CCSER1: variants seen among roughly 807,000 people sequenced by gnomAD.
The protein encoded by CCSER1 is serine-rich coiled-coil domain-containing protein 1.
In CCSER1, 41 loss-of-function variants were observed where a neutral mutation model predicts 82.0. That is an observed-to-expected ratio of 0.50 (90% confidence interval 0.39 to 0.65). The LOEUF is 0.65. Among genes scored for constraint, CCSER1 ranks in the 30% least tolerant of loss-of-function variants. The pLI is 0.00. For missense variants in CCSER1, 1,119 were observed against 1,064.2 expected, an observed-to-expected ratio of 1.05 and a Z score of -0.72; for synonymous variants, 414 against 383.9, an observed-to-expected ratio of 1.08 and a Z score of -0.92.
chr4:90,834,491 T>C (rs1761535167), intron 8 of CCSER1, among the ~76,000 whole-genome samples: 1 of 152,146 alleles, frequency 6.6e-6, no homozygotes, highest in South Asian at 2.1e-4. Flanking sequence ...AAATAATAAT[T>C]CTATTCTAAG....
intron 9 of CCSER1, among the ~76,000 whole-genome samples, chr4:91,051,535 C>T (rs1406525834): frequency 3.3e-5 from 5 of 151,984 alleles, no homozygotes; most frequent in Non-Finnish European, 7.4e-5. Flanking sequence ...TCCAAAACAA[C>T]CAATGCTTAA....
At chr4:90,271,862 A>ATATT (rs1553982816) in intron 1 of CCSER1, among the ~76,000 whole-genome samples, 10 of 21,738 alleles carry the variant, frequency 4.6e-4, no homozygotes, top group East Asian at 2.6e-3. Context: ...ATATATATAT[A>ATATT]TTTTTTTTTT....
At chr4:91,108,831 G>A (rs1378652936) in intron 10 of CCSER1, among the ~76,000 whole-genome samples, 1 of 152,196 alleles carries the variant, frequency 6.6e-6, no homozygotes, top group Non-Finnish European at 1.5e-5. Flanking sequence ...TACGAAGATA[G>A]CTGGTAAAGT....
At chr4:90,506,948 GAATA>G (rs1419672323) in intron 5 of CCSER1, among the ~76,000 whole-genome samples, 1 of 152,060 alleles carries the variant, frequency 6.6e-6, no homozygotes, top group East Asian at 1.9e-4. Flanking sequence ...AAAAATAAAT[GAATA>G]GATTTGGTTG....
At chr4:91,118,194 T>A (rs368619736) in intron 10 of CCSER1, among the ~76,000 whole-genome samples, 27 of 152,128 alleles carry the variant, frequency 1.8e-4, no homozygotes, top group African/African-American at 6.5e-4. Context: ...AAGTACAACT[T>A]TGAGAAAATA....
chr4:91,303,592 C>A (rs1744829128), intron 10 of CCSER1, among the ~76,000 whole-genome samples: 1 of 151,658 alleles, frequency 6.6e-6, no homozygotes. Flanking sequence ...TCAAGACCGG[C>A]CTTGGCAACA....
At chr4:91,083,350 G>A (rs997564105) in intron 9 of CCSER1, among the ~76,000 whole-genome samples, 1 of 151,880 alleles carries the variant, frequency 6.6e-6, no homozygotes, top group African/African-American at 2.4e-5. Context: ...TCATAGGTGG[G>A]AATTGAACAA....
At chr4:90,883,276 T>A (rs894021276) in intron 8 of CCSER1, among the ~76,000 whole-genome samples, 2 of 152,098 alleles carry the variant, frequency 1.3e-5, no homozygotes, top group Admixed American at 1.3e-4. Context: ...AGAGATGATG[T>A]TATCATCAAT....
At chr4:90,578,534 CTTAGAGAATAG>C (rs1781024735) in intron 5 of CCSER1, among the ~76,000 whole-genome samples, 1 of 152,064 alleles carries the variant, frequency 6.6e-6, no homozygotes, top group South Asian at 2.1e-4. Context: ...TTATAATTCT[CTTAGAGAATAG>C]GCAAAAAATA....
At chr4:91,421,215 T>A (rs1292244063) in intron 10 of CCSER1, among the ~76,000 whole-genome samples, 1 of 152,138 alleles carries the variant, frequency 6.6e-6, no homozygotes. Context: ...TAAAAGGAGA[T>A]CTATTACAGG....
intron 10 of CCSER1, among the ~76,000 whole-genome samples, chr4:91,234,497 A>C (rs1017301491): frequency 6.6e-6 from 1 of 152,078 alleles, no homozygotes; most frequent in Non-Finnish European, 1.5e-5. Flanking sequence ...AAAAGCCAGA[A>C]ATATTTATAT....
intron 10 of CCSER1, among the ~76,000 whole-genome samples, chr4:91,296,863 C>CT (rs1447191365): frequency 6.6e-6 from 1 of 151,448 alleles, no homozygotes; most frequent in African/African-American, 2.4e-5. Flanking sequence ...CTGCACCCAT[C>CT]TTTTTTACTT....
chr4:90,482,467 G>T (rs1347439334), intron 5 of CCSER1, among the ~76,000 whole-genome samples: 2 of 152,146 alleles, frequency 1.3e-5, no homozygotes, highest in East Asian at 1.9e-4. Flanking sequence ...TGATGTTAGG[G>T]TGTCAATTTT....
At chr4:90,167,053 A>G (rs1292048397) in intron 1 of CCSER1, among the ~76,000 whole-genome samples, 2 of 152,024 alleles carry the variant, frequency 1.3e-5, no homozygotes, top group East Asian at 1.9e-4. Flanking sequence ...ATTATAATTG[A>G]TTGTAACATA....
intron 10 of CCSER1, among the ~76,000 whole-genome samples, chr4:91,467,184 C>A (rs1034273641): frequency 2.0e-5 from 3 of 151,980 alleles, no homozygotes; most frequent in African/African-American, 7.3e-5. Context: ...CAGAACAGAG[C>A]CCTCAGAAAT....
chr4:91,499,762 T>A (rs761273033), intron 10 of CCSER1, among the ~76,000 whole-genome samples: 1 of 152,014 alleles, frequency 6.6e-6, no homozygotes, highest in African/African-American at 2.4e-5. Context: ...TTTCACTTGG[T>A]AATGGGCATT....
intron 10 of CCSER1, among the ~76,000 whole-genome samples, chr4:91,428,300 T>A (rs1043218939): frequency 6.6e-6 from 1 of 152,090 alleles, no homozygotes; most frequent in Non-Finnish European, 1.5e-5. Flanking sequence ...ACATTGTATA[T>A]TTCTGTAATG....
At position 90,135,921 on chromosome 4, in the gene CCSER1, G is replaced by C. The variant is rs182669870; in HGVS notation, c.-42+8090G>C. Reference sequence around the variant, plus strand: ...TAATCCACAATAAATGAAATACTTGGAATTCTGTATCTTATTTGGTGTCCA... The same window carrying C: ...TAATCCACAATAAATGAAATACTTGCAATTCTGTATCTTATTTGGTGTCCA... On this transcript the variant is annotated intron_variant, in intron 1 of 10. Coordinates refer to ENST00000509176, the MANE Select transcript of CCSER1 (RefSeq NM_001145065.2). 2.1e-3 allele frequency among the ~76,000 whole-genome samples: 318 copies of C among 152,212 alleles called. 4 individuals are homozygous for C. The highest frequency in any genetic ancestry group is 6.6e-3 in the African/African-American group (274 of 41,520).
chr4:90,940,174 A>G (rs187422143), intron 9 of CCSER1, among the ~76,000 whole-genome samples: 289 of 152,262 alleles, frequency 1.9e-3, no homozygotes, highest in Non-Finnish European at 3.0e-3. Context: ...CTCAAAAGCA[A>G]TTTAGCAGAA....
Sources: allele counts gnomAD v4.1 joint callset (sites outside exome capture counted in the v4.1 genomes callset), GRCh38; gene constraint gnomAD v4.1.1; transcripts MANE v1.5; gene names NCBI Gene and HGNC (gene_info 2026-07-23, HGNC 2026-07-21).